Variants in TMEM163 observed in about 807,000 individuals in gnomAD.
The protein encoded by TMEM163 is transmembrane protein 163.
Under a neutral mutation model 29.3 loss-of-function variants are expected in TMEM163, and 17 were observed. The ratio of observed to expected loss-of-function variants is 0.58; its 90% CI spans 0.40 to 0.87. The LOEUF is 0.87. Ranked by LOEUF, TMEM163 falls within the 40% of genes least tolerant of loss-of-function variation. TMEM163 has a pLI of 0.00. For synonymous variants in TMEM163, 157 were observed against 160.6 expected, an observed-to-expected ratio of 0.98 and a Z score of 0.17; for missense variants, 303 against 381.5, an observed-to-expected ratio of 0.79 and a Z score of 1.71.
At chr2:134,548,553 A>G (rs79482488) in intron 4 of TMEM163, among the ~76,000 whole-genome samples, 3,181 of 152,338 alleles carry the variant, frequency 0.021, 53 homozygotes, top group Non-Finnish European at 0.034. Flanking sequence ...TACCCAGAAC[A>G]GCTTGGGTTG....
intron 2 of TMEM163, among the ~76,000 whole-genome samples, chr2:134,665,411 G>A (rs531158558): frequency 3.9e-5 from 6 of 152,172 alleles, no homozygotes; most frequent in South Asian, 4.2e-4. Flanking sequence ...AGAACGGCAC[G>A]GGAAAACATG....
At chr2:134,648,151 G>A (rs906394577) in intron 2 of TMEM163, among the ~76,000 whole-genome samples, 1 of 152,132 alleles carries the variant, frequency 6.6e-6, no homozygotes, top group Non-Finnish European at 1.5e-5. Context: ...AAGGAGAGCT[G>A]AAAAAGGGAT....
chr2:134,514,121 C>T (rs1680004942), intron 4 of TMEM163, among the ~76,000 whole-genome samples: 1 of 152,170 alleles, frequency 6.6e-6, no homozygotes, highest in Admixed American at 6.6e-5. Context: ...GACGCCACCT[C>T]TTGATGGAGG....
At chr2:134,592,616 T>C (rs1289281735) in intron 2 of TMEM163, among the ~76,000 whole-genome samples, 1 of 152,118 alleles carries the variant, frequency 6.6e-6, no homozygotes, top group Non-Finnish European at 1.5e-5. Flanking sequence ...CTTCTCATCA[T>C]GGGCAGGAAG....
At chr2:134,470,238 T>G (rs530218941) in intron 5 of TMEM163, among the ~76,000 whole-genome samples, 3 of 152,008 alleles carry the variant, frequency 2.0e-5, no homozygotes, top group Admixed American at 6.6e-5. Flanking sequence ...GCGCCTGTAG[T>G]CCTAGCTACT....
chr2:134,606,482 G>C (rs544900284), intron 2 of TMEM163, among the ~76,000 whole-genome samples: 3 of 152,004 alleles, frequency 2.0e-5, no homozygotes, highest in Non-Finnish European at 4.4e-5. Flanking sequence ...CCTCCTCTTC[G>C]AGTCTCTCCT....
At chr2:134,508,418 G>T (rs367777038) in intron 4 of TMEM163, among the ~76,000 whole-genome samples, 4 of 152,210 alleles carry the variant, frequency 2.6e-5, no homozygotes, top group African/African-American at 9.7e-5. Flanking sequence ...AGAGTTAAGT[G>T]GTGTGAGCAT....
chr2:134,486,538 G>A (rs1323037962), intron 5 of TMEM163, among the ~76,000 whole-genome samples: 3 of 152,206 alleles, frequency 2.0e-5, no homozygotes, highest in African/African-American at 7.2e-5. Context: ...AGTAATATGA[G>A]CAACTTTAAT....
Position 134,697,456 on chromosome 2 carries a change from C to T in TMEM163, c.322+15744G>A, listed in dbSNP as rs1684606989. Among the ~76,000 whole-genome samples, 6 of 147,078 alleles carry T rather than the reference C, an allele frequency of 4.1e-5. No individual in the cohort carries two copies. The South Asian group carries it at 1.3e-3, about 32-fold the overall frequency. On this transcript the variant is annotated intron_variant, in intron 2 of 7. Coordinates refer to ENST00000281924, the MANE Select transcript of TMEM163 (RefSeq NM_030923.5). ...TTGTATTGAGAGATACTATAGGTTT[C>T]TTCTCAATTTTTTTTTTTTTTTTTT...
chr2:134,549,105 A>T (rs928903916), intron 4 of TMEM163, among the ~76,000 whole-genome samples: 216 of 120,538 alleles, frequency 1.8e-3, no homozygotes, highest in African/African-American at 8.7e-3. Context: ...TAATTTGTTA[A>T]AAAAAAAAAA....
At chr2:134,645,262 A>G (rs994695634) in intron 2 of TMEM163, among the ~76,000 whole-genome samples, 16 of 152,228 alleles carry the variant, frequency 1.1e-4, no homozygotes, top group African/African-American at 3.9e-4. Flanking sequence ...CCTACACCTA[A>G]GTATTTACCC....
intron 2 of TMEM163, among the ~76,000 whole-genome samples, chr2:134,577,642 C>T (rs992139092): frequency 3.3e-5 from 5 of 152,126 alleles, no homozygotes; most frequent in Middle Eastern, 3.2e-3. Context: ...CTGCAGGTCT[C>T]CGCAGGTGTT....
chr2:134,538,413 AG>A lies in TMEM163; in HGVS notation c.458+12156del, dbSNP rs1558938016. On this transcript the variant is annotated intron_variant, in intron 4 of 7. Transcript: ENST00000281924. ...CACCCAGTCTATGATATTTCATTAC[AG>A]CAGCCCAAACAATGACACATAGCAA... 7.2e-5 allele frequency among the ~76,000 whole-genome samples: 11 copies of A among 152,336 alleles called. No individual in the cohort carries two copies. The East Asian group carries it at 2.1e-3, about 29-fold the overall frequency.
chr2:134,486,804 C>G (rs559874495), intron 5 of TMEM163, among the ~76,000 whole-genome samples: 1 of 152,216 alleles, frequency 6.6e-6, no homozygotes, highest in South Asian at 2.1e-4. Context: ...ATGCAAAACT[C>G]CAAACAAAAT....
intron 2 of TMEM163, among the ~76,000 whole-genome samples, chr2:134,700,481 T>C (rs774694335): frequency 2.6e-5 from 4 of 152,222 alleles, no homozygotes; most frequent in Non-Finnish European, 4.4e-5. Flanking sequence ...CTGATTCACA[T>C]ACTATATTTT....
intron 2 of TMEM163, among the ~76,000 whole-genome samples, chr2:134,663,096 T>C (rs1683792485): frequency 6.6e-6 from 1 of 152,172 alleles, no homozygotes; most frequent in South Asian, 2.1e-4. Flanking sequence ...GCAACCATAC[T>C]TCACCCTGTG....
At chr2:134,605,642 C>T (rs1334102097) in intron 2 of TMEM163, among the ~76,000 whole-genome samples, 6 of 151,296 alleles carry the variant, frequency 4.0e-5, no homozygotes, top group Admixed American at 2.0e-4. Context: ...GCTGAGATCG[C>T]GCCATTGCAC....
At chr2:134,660,613 T>C (rs80076499) in intron 2 of TMEM163, among the ~76,000 whole-genome samples, 3,288 of 152,300 alleles carry the variant, frequency 0.022, 56 homozygotes, top group Middle Eastern at 0.037. Flanking sequence ...CAGATTTGCC[T>C]CATCTTCTAA....
chr2:134,606,138 G>C (rs1682351911), intron 2 of TMEM163, among the ~76,000 whole-genome samples: 1 of 152,068 alleles, frequency 6.6e-6, no homozygotes, highest in Non-Finnish European at 1.5e-5. Context: ...TGAATTCACT[G>C]GTCTCAAGGT....
Sources: gnomAD v4.1 joint callset for allele counts (sites outside exome capture counted in the v4.1 genomes callset) on GRCh38, gnomAD v4.1.1 for gene constraint, MANE v1.5 for transcripts, NCBI Gene and HGNC (gene_info 2026-07-23, HGNC 2026-07-21) for gene names.